DNAH7: variants seen among roughly 807,000 people sequenced by gnomAD.
DNAH7 encodes axonemal beta dynein heavy chain 7.
Under a neutral mutation model 444.6 loss-of-function variants are expected in DNAH7, and 397 were observed. The ratio of observed to expected loss-of-function variants is 0.89; its 90% CI spans 0.82 to 0.97. The LOEUF is 0.97. Ranked by LOEUF, DNAH7 falls within the 50% of genes least tolerant of loss-of-function variation. The pLI is 0.00. For missense variants in DNAH7, 4,902 were observed against 4,800.8 expected (o/e 1.02, Z -0.62); for synonymous variants, 1,636 against 1,624.4 (o/e 1.01, Z -0.17).
chr2:195,909,808 G>T (rs1687250276), intron 25 of DNAH7, among the ~76,000 whole-genome samples: 2 of 152,154 alleles, frequency 1.3e-5, no homozygotes, highest in Non-Finnish European at 2.9e-5. Flanking sequence ...CAGTAATAAT[G>T]ACTTGTTACA....
intron 9 of DNAH7, among the ~76,000 whole-genome samples, chr2:196,017,285 G>A (rs971667670): frequency 6.6e-6 from 1 of 152,154 alleles, no homozygotes; most frequent in South Asian, 2.1e-4. Flanking sequence ...AGTGCTGGAA[G>A]TACGGGCGTG....
intron 51 of DNAH7, among the ~76,000 whole-genome samples, chr2:195,814,745 T>A (rs537313178): frequency 6.6e-6 from 1 of 152,256 alleles, no homozygotes; most frequent in South Asian, 2.1e-4. Flanking sequence ...GAATAATTTT[T>A]TTTTTTCTTT....
chr2:195,997,459 G>T (rs1693767562), intron 12 of DNAH7, among the ~76,000 whole-genome samples: 1 of 152,174 alleles, frequency 6.6e-6, no homozygotes, highest in Non-Finnish European at 1.5e-5. Context: ...AGCTTCCAGT[G>T]AGCCGAGATC....
intron 63 of DNAH7, among the ~76,000 whole-genome samples, chr2:195,749,632 C>T (rs1453384891): frequency 6.6e-6 from 1 of 150,794 alleles, no homozygotes; most frequent in African/African-American, 2.4e-5. Flanking sequence ...CACATATACA[C>T]CATGGAATAC....
chr2:195,799,608 C>A, intron 54 of DNAH7, 136 bp from the exon 55 acceptor site: 2 of 574,678 alleles, frequency 3.5e-6, no homozygotes, highest in Non-Finnish European at 5.4e-6. Flanking sequence ...GTGGGGAGTC[C>A]AAGGCATCAA....
At chr2:196,021,621 A>T (rs773028456) in intron 8 of DNAH7, among the ~76,000 whole-genome samples, 4 of 151,742 alleles carry the variant, frequency 2.6e-5, no homozygotes, top group Non-Finnish European at 5.9e-5. Flanking sequence ...GGAGTTCGAG[A>T]CCAGCCTGGG....
At chr2:195,816,044 TCTAA>T (rs1240790399) in intron 51 of DNAH7, among the ~76,000 whole-genome samples, 4 of 152,194 alleles carry the variant, frequency 2.6e-5, no homozygotes, top group South Asian at 2.1e-4. Flanking sequence ...CTGAAAATTA[TCTAA>T]CTGATTTTAA....
intron 51 of DNAH7, among the ~76,000 whole-genome samples, chr2:195,813,407 C>A (rs942885520): frequency 2.0e-5 from 3 of 152,114 alleles, no homozygotes; most frequent in Non-Finnish European, 1.5e-5. Context: ...CCAGTAATGT[C>A]TTTCTCAAAG....
chr2:195,894,901 C>A (rs2125239551), intron 30 of DNAH7, 75 bp downstream of exon 30: 1 of 1,321,992 alleles, frequency 7.6e-7, no homozygotes, highest in Non-Finnish European at 9.9e-7. Context: ...TTGAATGCAT[C>A]TTTTAAAATA....
At chr2:195,771,407 T>C (rs1019189199) in intron 61 of DNAH7, among the ~76,000 whole-genome samples, 6 of 152,086 alleles carry the variant, frequency 3.9e-5, no homozygotes, top group African/African-American at 1.4e-4. Context: ...CTTACCACAC[T>C]GTGTCTCCTT....
intron 40 of DNAH7, among the ~76,000 whole-genome samples, chr2:195,869,471 C>T (rs1008694098): frequency 5.3e-5 from 8 of 151,308 alleles, no homozygotes; most frequent in African/African-American, 1.9e-4. Flanking sequence ...ACACATATAA[C>T]GAATGAATTC....
intron 49 of DNAH7, among the ~76,000 whole-genome samples, chr2:195,818,531 AAAC>A (rs1260122416): frequency 6.6e-6 from 1 of 152,178 alleles, no homozygotes; most frequent in African/African-American, 2.4e-5. Flanking sequence ...TAAAAAAAGC[AAAC>A]AACAAACAAA....
chr2:195,889,626 T>C (rs1420050072), intron 31 of DNAH7, among the ~76,000 whole-genome samples: 1 of 152,192 alleles, frequency 6.6e-6, no homozygotes, highest in African/African-American at 2.4e-5. Context: ...CCTTGATCAA[T>C]GTTTCTGAAT....
intron 49 of DNAH7, among the ~76,000 whole-genome samples, chr2:195,819,433 C>G (rs1302275320): frequency 6.6e-6 from 1 of 152,094 alleles, no homozygotes. Context: ...GCCCACATTC[C>G]CTGTTCATAG....
intron 61 of DNAH7, among the ~76,000 whole-genome samples, chr2:195,759,371 G>A (rs73058226): frequency 0.027 from 4,049 of 152,214 alleles, 155 homozygotes; most frequent in African/African-American, 0.093. Context: ...GGAGCTCTTG[G>A]CCCTGAATAA....
At chr2:195,879,289 G>A (rs1011607669) in intron 36 of DNAH7, among the ~76,000 whole-genome samples, 3 of 152,072 alleles carry the variant, frequency 2.0e-5, no homozygotes, top group Admixed American at 2.0e-4. Context: ...AGCAAAAATA[G>A]ATCATGTAAA....
At chr2:195,907,033 T>A (rs1230652435) in intron 25 of DNAH7, 24 bp from the exon 26 acceptor site, 2 of 1,584,584 alleles carry the variant, frequency 1.3e-6, no homozygotes, top group South Asian at 1.1e-5. Flanking sequence ...GTAATGAAAA[T>A]TTTTGACTTT....
chr2:195,900,149 C>T, intron 28 of DNAH7, 133 bp downstream of exon 28: 2 of 921,416 alleles, frequency 2.2e-6, no homozygotes, highest in Admixed American at 2.4e-5. Flanking sequence ...CAAGATAATA[C>T]ATTTTTGGTT....
chr2:195,999,251 G>T, intron 12 of DNAH7: 1 of 710,580 alleles, frequency 1.4e-6, no homozygotes, highest in Non-Finnish European at 2.6e-6. Flanking sequence ...CTCTGTAGAG[G>T]AAAAAAACAA....
Sources: allele counts gnomAD v4.1 joint callset (sites outside exome capture counted in the v4.1 genomes callset), GRCh38; gene constraint gnomAD v4.1.1; transcripts MANE v1.5; gene names NCBI Gene and HGNC (gene_info 2026-07-23, HGNC 2026-07-21).